Variants in ARMC9 observed in about 807,000 individuals in gnomAD.
The protein encoded by ARMC9 is lisH domain-containing protein ARMC9.
Under a neutral mutation model 107.0 loss-of-function variants are expected in ARMC9, and 94 were observed. That is an observed-to-expected ratio of 0.88 (90% confidence interval 0.74 to 1.04). The LOEUF is 1.04. Ranked by LOEUF, ARMC9 falls within the 50% of genes least tolerant of loss-of-function variation. ARMC9 has a pLI of 0.00. For synonymous variants in ARMC9, 380 were observed against 396.9 expected (o/e 0.96, Z 0.51); for missense variants, 942 against 1,030.1 (o/e 0.91, Z 1.17).
intron 17 of ARMC9, among the ~76,000 whole-genome samples, chr2:231,291,020 C>T (rs2040953788): frequency 6.7e-6 from 1 of 149,992 alleles, no homozygotes; most frequent in South Asian, 2.1e-4. Context: ...AATTATTTCA[C>T]TATGAATTAT....
intron 8 of ARMC9, among the ~76,000 whole-genome samples, chr2:231,237,175 C>CATGTGT (rs71296843): frequency 6.7e-6 from 1 of 148,698 alleles, no homozygotes; most frequent in Admixed American, 6.7e-5. Context: ...TCTGCGTATG[C>CATGTGT]GTGTGTGTGT....
At chr2:231,335,952 ACCTGTGGT>A (rs1229115995) in intron 20 of ARMC9, among the ~76,000 whole-genome samples, 4 of 151,948 alleles carry the variant, frequency 2.6e-5, no homozygotes, top group Non-Finnish European at 5.9e-5. Context: ...GGTGGCACGC[ACCTGTGGT>A]CCCAGCTATT....
chr2:231,256,841 T>C (rs1175228296), intron 10 of ARMC9, among the ~76,000 whole-genome samples: 1 of 152,240 alleles, frequency 6.6e-6, no homozygotes, highest in Non-Finnish European at 1.5e-5. Context: ...GTTTGTTTTT[T>C]TGAGACAGAG....
At chr2:231,335,098 C>T (rs2043999147) in intron 20 of ARMC9, among the ~76,000 whole-genome samples, 1 of 152,184 alleles carries the variant, frequency 6.6e-6, no homozygotes, top group African/African-American at 2.4e-5. Context: ...CCCAACACAG[C>T]GGAATGCCGA....
chr2:231,239,999 G>A lies in ARMC9; in HGVS notation c.837G>A (p.Arg279=), dbSNP rs778148969. The A allele has an allele frequency of 2.5e-6, 4 of 1,613,720 alleles. No individual in the cohort carries two copies. The Admixed American group carries it at 5.0e-5, about 20-fold the overall frequency. ...TCCGCCTGTTCAGTAACCAGATGCGGCAGAGCCTGGCGCATAGTGTGGACT... is the reference window on the plus strand; with the variant it reads ...TCCGCCTGTTCAGTAACCAGATGCGACAGAGCCTGGCGCATAGTGTGGACT... ...VCVRLFSNQM[R]QSLAHSVDFT... is the part of the protein sequence containing the mutation. The change falls in exon 9 of 25, where the codon CGG becomes CGA. Residue 279 remains arginine (R), a synonymous_variant. Transcript: ENST00000611582.
intron 1 of ARMC9, among the ~76,000 whole-genome samples, chr2:231,203,190 G>A (rs1401316133): frequency 6.6e-6 from 1 of 152,036 alleles, no homozygotes; most frequent in African/African-American, 2.4e-5. Context: ...GACCATTTCG[G>A]AACCTCCACT....
At chr2:231,306,054 C>T (rs2042019049) in intron 19 of ARMC9, among the ~76,000 whole-genome samples, 1 of 152,178 alleles carries the variant, frequency 6.6e-6, no homozygotes, top group South Asian at 2.1e-4. Flanking sequence ...ACATAAGTTA[C>T]AATAAGGTAA....
At chr2:231,250,383 A>G (rs555065749) in intron 9 of ARMC9, among the ~76,000 whole-genome samples, 2 of 152,314 alleles carry the variant, frequency 1.3e-5, no homozygotes, top group South Asian at 2.1e-4. Flanking sequence ...TACTCCCGCT[A>G]TTAACAACCC....
At position 231,222,740 on chromosome 2, in the gene ARMC9, C is replaced by G; in HGVS notation, c.517C>G (p.Pro173Ala). Residue 173 changes from proline (P) to alanine (A), a missense_variant, in exon 6 of 25, where the codon CCA becomes GCA. Coordinates refer to ENST00000611582, the MANE Select transcript of ARMC9 (RefSeq NM_001352754.2). ...CTTTTTTCTTTAGGATTCCTGGACT[C>G]CAGAGTTAAAGTTGAAGTTGATAAA... ...FKELFQDSWTPELKLKLIKFL... is the reference protein window; with the variant it reads ...FKELFQDSWTAELKLKLIKFL... The G allele has an allele frequency of 6.4e-7, 1 of 1,560,124 alleles. No individual in the cohort carries two copies. The highest frequency in any genetic ancestry group is 8.8e-7 in the Non-Finnish European group (1 of 1,135,412).
At chr2:231,344,711 A>T (rs959179837) in intron 20 of ARMC9, among the ~76,000 whole-genome samples, 2 of 152,136 alleles carry the variant, frequency 1.3e-5, no homozygotes, top group African/African-American at 2.4e-5. Flanking sequence ...GTTCCAGTAG[A>T]TCAACCGCTT....
chr2:231,366,047 C>A (rs1445042971), intron 23 of ARMC9, among the ~76,000 whole-genome samples: 1 of 152,102 alleles, frequency 6.6e-6, no homozygotes, highest in East Asian at 1.9e-4. Context: ...TTAGGACTCT[C>A]CAGGGAAACA....
At chr2:231,262,963 T>G (rs1447892293) in intron 12 of ARMC9, among the ~76,000 whole-genome samples, 2 of 149,882 alleles carry the variant, frequency 1.3e-5, no homozygotes, top group African/African-American at 5.0e-5. Flanking sequence ...GGGAGGTCGT[T>G]GGGATGATTA....
chr2:231,239,290 A>G lies in ARMC9; in HGVS notation c.781-653A>G, dbSNP rs752766274. Among the ~76,000 whole-genome samples the G allele has an allele frequency of 3.2e-4, 48 of 152,180 alleles. 1 individual carries two copies. The highest frequency in any genetic ancestry group is 7.2e-4 in the Admixed American group (11 of 15,276). On this transcript the variant is annotated intron_variant, in intron 8 of 24. Coordinates refer to ENST00000611582, the MANE Select transcript of ARMC9 (RefSeq NM_001352754.2). ...TTGTATGTCAATCCTGAATTCTCGTAGCTGGTGAGAGAGGCACAAGAGATG... is the reference window on the plus strand; with the variant it reads ...TTGTATGTCAATCCTGAATTCTCGTGGCTGGTGAGAGAGGCACAAGAGATG...
In ARMC9 at chr2:231,256,335, C is replaced by G. The variant is rs796297476; in HGVS notation, c.880-251C>G. 2.2e-3 allele frequency: 3,349 copies of G among 1,524,366 alleles called. 91 individuals carry two copies. The African/African-American group carries it at 0.043, about 20-fold the overall frequency. 94.4% of individuals were successfully genotyped at this position (1,524,366 alleles called of 1,614,324 possible). A position where few individuals can be genotyped will look rare whatever the true frequency, so the allele number is the denominator to read the frequency against. Reference sequence around the variant, plus strand: ...TGCTTGCTCGCTGGGTCTTGGATGTCGGGTTCGACCACTTGGCCGATGGGA... The same window carrying G: ...TGCTTGCTCGCTGGGTCTTGGATGTGGGGTTCGACCACTTGGCCGATGGGA... On this transcript the variant is annotated intron_variant, in intron 9 of 24. Transcript: ENST00000611582.
intron 14 of ARMC9, among the ~76,000 whole-genome samples, chr2:231,274,967 C>T (rs937891933): frequency 3.3e-5 from 5 of 151,994 alleles, no homozygotes; most frequent in Non-Finnish European, 5.9e-5. Context: ...CCATGTTGAT[C>T]GCTTTGGGGA....
In ARMC9 at chr2:231,360,330, C is replaced by T. The variant is rs1053444128; in HGVS notation, c.2132-424C>T. ...GGGCTGCTCGGTGAGGAGCACCCTA[C>T]CTCTCAGGTTGTTGGTTTTAGCAAA... is the stretch of plus-strand genomic sequence containing the variant. On this transcript the variant is annotated intron_variant, in intron 22 of 24. Transcript: ENST00000611582. This position sits in a 1 kb window ranked among gnomAD's most constrained non-coding sequence, Gnocchi z 4.7. Among the ~76,000 whole-genome samples, 1 of 151,822 alleles carries T rather than the reference C, an allele frequency of 6.6e-6. No individual in the cohort carries two copies. Among genetic ancestry groups the T allele is most frequent in the Non-Finnish European group, 1.5e-5 (1 of 68,028 alleles).
rs370520160 is a variant in ARMC9 at position 231,331,891 on chromosome 2, C to T, written c.1872C>T (p.Tyr624=). 11 of 1,611,432 alleles carry T rather than the reference C, an allele frequency of 6.8e-6. No homozygotes were observed. The highest frequency in any genetic ancestry group is 9.3e-6 in the Non-Finnish European group (11 of 1,177,994). The part of the protein sequence containing the change: ...LSGEKLLTTE[Y]LGIMTNTGKT... ...GAGAGAAGCTTCTGACCACGGAGTACCTGGGGGTAAGTGCCACACAAAGGG... is the reference window on the plus strand; with the variant it reads ...GAGAGAAGCTTCTGACCACGGAGTATCTGGGGGTAAGTGCCACACAAAGGG... The change falls in exon 20 of 25, where the codon TAC becomes TAT. Residue 624 remains tyrosine (Y), a synonymous_variant. Coordinates refer to ENST00000611582, the MANE Select transcript of ARMC9 (RefSeq NM_001352754.2).
At chr2:231,246,617 C>T (rs150813102) in intron 9 of ARMC9, among the ~76,000 whole-genome samples, 2 of 152,254 alleles carry the variant, frequency 1.3e-5, no homozygotes, top group East Asian at 3.9e-4. Context: ...GATGGGCACC[C>T]GGATTGATTC....
chr2:231,332,357 C>T (rs761998836), intron 20 of ARMC9, among the ~76,000 whole-genome samples: 20 of 152,072 alleles, frequency 1.3e-4, no homozygotes, highest in Non-Finnish European at 1.9e-4. Context: ...AGGGGCATTC[C>T]AGCAGTCAGG....
Sources: allele counts gnomAD v4.1 joint callset (sites outside exome capture counted in the v4.1 genomes callset), GRCh38; gene constraint gnomAD v4.1.1; non-coding constraint Gnocchi (gnomAD v3.1); transcripts MANE v1.5; gene names NCBI Gene and HGNC (gene_info 2026-07-23, HGNC 2026-07-21).